SIK3: variants seen among roughly 807,000 people sequenced by gnomAD.
SIK3 encodes serine/threonine-protein kinase SIK3.
In SIK3, 28 loss-of-function variants were observed where a neutral mutation model predicts 144.2. The observed-to-expected ratio is 0.19, with a 90% confidence interval of 0.14 to 0.27. The LOEUF is 0.27. SIK3 is among the 10% of genes least tolerant of loss of function. The pLI is 1.00. For synonymous variants in SIK3, 686 were observed against 676.3 expected (o/e 1.01, Z -0.22); for missense variants, 1,319 against 1,776.0 (o/e 0.74, Z 4.62).
chr11:117,076,214 A>T (rs1455091719), intron 1 of SIK3, among the ~76,000 whole-genome samples: 2 of 152,034 alleles, frequency 1.3e-5, no homozygotes, highest in Admixed American at 1.3e-4. Context: ...GAGCTCTCTA[A>T]ATCAGAACAC....
intron 16 of SIK3, among the ~76,000 whole-genome samples, 159 bp from the exon 17 acceptor site, chr11:116,862,486 G>A (rs1412856965): frequency 6.6e-6 from 1 of 152,172 alleles, no homozygotes; most frequent in Non-Finnish European, 1.5e-5. Flanking sequence ...TAAGTATCTG[G>A]TGCACTAAAT....
chr11:116,933,285 C>A (rs760917599), intron 3 of SIK3, among the ~76,000 whole-genome samples: 2 of 151,986 alleles, frequency 1.3e-5, no homozygotes, highest in African/African-American at 4.8e-5. Context: ...GGACTACAGG[C>A]GTGCGCCACC....
At chr11:116,983,549 A>T (rs1332571238) in intron 1 of SIK3, among the ~76,000 whole-genome samples, 1 of 152,094 alleles carries the variant, frequency 6.6e-6, no homozygotes, top group Non-Finnish European at 1.5e-5. Flanking sequence ...TTGGTCAATA[A>T]TTTCAAGAAT....
intron 3 of SIK3, among the ~76,000 whole-genome samples, chr11:116,932,418 C>T (rs1947664102): frequency 6.6e-6 from 1 of 152,154 alleles, no homozygotes; most frequent in African/African-American, 2.4e-5. Flanking sequence ...GACATGGGTA[C>T]AATGCGTATG....
rs991294877 is a variant in SIK3, at chr11:116,966,271, C to T, written c.274-9207G>A. On this transcript the variant is annotated intron_variant, in intron 1 of 24. Transcript: ENST00000445177. ...ATTATCCAGCCATGATGGCATATGC[C>T]TGTAGTCCTAGTACTCAGGAGACTG... 3.2e-4 allele frequency among the ~76,000 whole-genome samples: 48 copies of T among 152,236 alleles called. 1 individual carries two copies. The highest frequency in any genetic ancestry group is 1.2e-3 in the African/African-American group (48 of 41,538).
intron 4 of SIK3, among the ~76,000 whole-genome samples, chr11:116,919,768 T>C (rs529078957): frequency 9.9e-5 from 15 of 152,212 alleles, no homozygotes; most frequent in Admixed American, 6.5e-5. Flanking sequence ...ATATAATCCA[T>C]CAGTAAGAAA....
intron 1 of SIK3, among the ~76,000 whole-genome samples, chr11:117,015,117 A>G (rs998009055): frequency 3.9e-5 from 6 of 152,192 alleles, no homozygotes; most frequent in Non-Finnish European, 8.8e-5. Context: ...AACTACCACA[A>G]GTCAATAAAA....
intron 1 of SIK3, among the ~76,000 whole-genome samples, chr11:116,967,136 T>A (rs1232658959): frequency 6.6e-6 from 1 of 152,032 alleles, no homozygotes; most frequent in Admixed American, 6.6e-5. Flanking sequence ...GCTGAATAAA[T>A]TTTAAGATGA....
chr11:116,887,804 C>T (rs145126990), intron 6 of SIK3, among the ~76,000 whole-genome samples: 1 of 152,090 alleles, frequency 6.6e-6, no homozygotes, highest in East Asian at 1.9e-4. Context: ...AGGAGGAAGA[C>T]ACATACATAA....
At chr11:117,023,629 T>A (rs1200892002) in intron 1 of SIK3, among the ~76,000 whole-genome samples, 1,397 of 139,520 alleles carry the variant, frequency 0.01, 46 homozygotes, top group African/African-American at 0.034. Flanking sequence ...AAAATATATA[T>A]ATATATATAT....
rs372772610 is a variant in SIK3, at chr11:116,954,080, G to T, written c.418C>A (p.Leu140Met). 6.1e-5 allele frequency: 98 copies of T among 1,613,892 alleles called. No homozygotes were observed. The highest frequency in any genetic ancestry group is 8.2e-5 in the Non-Finnish European group (97 of 1,179,964). The stretch of plus-strand genomic sequence containing the variant: ...CCTCCACTAGCATATTCTGTCACCA[G>T]ATAAATCATCCGTTCTGTCTCCATA... Reference protein sequence around the residue: ...QVMETERMIYLVTEYASGGEI... With the variant: ...QVMETERMIYMVTEYASGGEI... Residue 140 changes from leucine to methionine, a missense_variant, in exon 3 of 25, where the codon CTG becomes ATG. Around this residue, in one of 8 missense-constraint regions of SIK3, gnomAD observed 125 missense variants for 285.2 expected, o/e 0.44. Transcript: ENST00000445177.
In SIK3 at chr11:116,863,998, G is replaced by A. The variant is rs1943492658; in HGVS notation, c.1953-180C>T. ...TTTCCCTAGCCTGCTTCCCTTTAGA[G>A]GGCTCCAGGTGTACATCTTCCATTT... is the stretch of plus-strand genomic sequence containing the variant. On this transcript the variant is annotated intron_variant, in intron 15 of 24. Transcript: ENST00000445177. 10 of 557,034 alleles carry A rather than the reference G, an allele frequency of 1.8e-5. No individual in the cohort carries two copies. The South Asian group carries it at 2.3e-4, about 13-fold the overall frequency. 34.5% of individuals were successfully genotyped at this position (557,034 alleles called of 1,614,324 possible).
intron 6 of SIK3, among the ~76,000 whole-genome samples, chr11:116,892,871 T>C (rs992594248): frequency 3.3e-5 from 5 of 152,166 alleles, no homozygotes; most frequent in African/African-American, 1.2e-4. Flanking sequence ...GGAAATATTA[T>C]TCAGTGCTAA....
chr11:117,082,558 T>G (rs1469687680), intron 1 of SIK3, among the ~76,000 whole-genome samples: 1 of 152,234 alleles, frequency 6.6e-6, no homozygotes, highest in African/African-American at 2.4e-5. Flanking sequence ...TCTATTTATA[T>G]GAAGTGTCCA....
intron 1 of SIK3, among the ~76,000 whole-genome samples, chr11:117,025,003 T>A (rs1220850207): frequency 6.6e-6 from 1 of 152,194 alleles, no homozygotes; most frequent in African/African-American, 2.4e-5. Flanking sequence ...CAAAAGTTTA[T>A]ATCAGATGTC....
intron 3 of SIK3, among the ~76,000 whole-genome samples, chr11:116,938,877 C>A: frequency 6.6e-6 from 1 of 152,242 alleles, no homozygotes; most frequent in East Asian, 1.9e-4. Context: ...ACTTAATGGA[C>A]TGAAGCACAT....
At chr11:117,050,486 G>C (rs1591611735) in intron 1 of SIK3, among the ~76,000 whole-genome samples, 1 of 152,114 alleles carries the variant, frequency 6.6e-6, no homozygotes, top group East Asian at 1.9e-4. Context: ...AGGAGTTCGA[G>C]ACCAGCCTGG....
At chr11:116,949,566 TCCAACTCCTAGGCTCGAG>T in intron 3 of SIK3, among the ~76,000 whole-genome samples, 1 of 152,336 alleles carries the variant, frequency 6.6e-6, no homozygotes, top group East Asian at 1.9e-4. Flanking sequence ...TATGCTGACC[TCCAACTCCTAGGCTCGAG>T]CCATCCTCCT....
chr11:116,969,392 A>G (rs576652757), intron 1 of SIK3, among the ~76,000 whole-genome samples: 1 of 151,966 alleles, frequency 6.6e-6, no homozygotes, highest in East Asian at 1.9e-4. Flanking sequence ...ATAAGGAATG[A>G]GATTTATGAG....
Sources: gnomAD v4.1 joint callset for allele counts (sites outside exome capture counted in the v4.1 genomes callset) on GRCh38, gnomAD v4.1.1 for gene constraint, gnomAD v4.1.1 regional missense constraint, MANE v1.5 for transcripts, NCBI Gene and HGNC (gene_info 2026-07-23, HGNC 2026-07-21) for gene names.